Variants in TBCD observed in about 807,000 individuals in gnomAD.
TBCD encodes tubulin folding cofactor D.
TBCD carries 105 observed loss-of-function variants against 169.3 expected under a neutral mutation model. The ratio of observed to expected loss-of-function variants is 0.62; its 90% CI spans 0.53 to 0.73. The LOEUF is 0.73. Among genes scored for constraint, TBCD ranks in the 30% least tolerant of loss-of-function variants. The probability of loss-of-function intolerance (pLI) is 0.00; values close to 1 mark genes in which losing one functional copy is unlikely to be tolerated. For missense variants in TBCD, 1,444 were observed against 1,600.1 expected (o/e 0.90, Z 1.66); for synonymous variants, 700 against 643.9 (o/e 1.09, Z -1.32).
At chr17:82,940,422 G>A (rs1195038819) in intron 37 of TBCD, among the ~76,000 whole-genome samples, 3 of 152,150 alleles carry the variant, frequency 2.0e-5, no homozygotes, top group Admixed American at 6.5e-5. Flanking sequence ...ATCCCGGTGC[G>A]TTGCTACAGG....
chr17:82,857,878 C>A (rs1244686832), intron 13 of TBCD, among the ~76,000 whole-genome samples: 1 of 151,444 alleles, frequency 6.6e-6, no homozygotes, highest in African/African-American at 2.4e-5. Flanking sequence ...TGCTGCACTG[C>A]ACCCACTAAC....
At chr17:82,792,554 T>G (rs963415031) in intron 7 of TBCD, among the ~76,000 whole-genome samples, 1 of 152,136 alleles carries the variant, frequency 6.6e-6, no homozygotes, top group Non-Finnish European at 1.5e-5. Flanking sequence ...GCCACAATCA[T>G]TTTGTGTTTT....
intron 13 of TBCD, among the ~76,000 whole-genome samples, chr17:82,849,900 G>GC (rs1370869822): frequency 2.0e-5 from 3 of 150,914 alleles, no homozygotes; most frequent in Non-Finnish European, 4.5e-5. Flanking sequence ...TGGCTGTGCT[G>GC]TTGTTGGCTG....
chr17:82,808,119 G>A (rs988020780), intron 11 of TBCD, among the ~76,000 whole-genome samples: 3 of 152,184 alleles, frequency 2.0e-5, no homozygotes, highest in Non-Finnish European at 4.4e-5. Flanking sequence ...TGCACCCCAG[G>A]CCTCAGTGGA....
At chr17:82,905,525 G>A (rs1382785928) in intron 19 of TBCD, among the ~76,000 whole-genome samples, 1 of 140,604 alleles carries the variant, frequency 7.1e-6, no homozygotes, top group Non-Finnish European at 1.6e-5. Flanking sequence ...CTGTGTGGGT[G>A]CGTGTGGGCT....
Position 82,781,666 on chromosome 17 carries a change from C to A in TBCD, c.716C>A (p.Ser239Tyr), listed in dbSNP as rs761583961. 1 of 1,613,886 alleles carries A rather than the reference C, an allele frequency of 6.2e-7. No individual in the cohort carries two copies. The highest frequency in any genetic ancestry group is 1.1e-5 in the South Asian group (1 of 91,074). Residue 239 changes from serine (S) to tyrosine (Y), a missense_variant, in exon 7 of 39, where the codon TCC (serine) becomes TAC (tyrosine). Ser to Tyr is a moderately radical substitution (Grantham distance 144). Coordinates refer to ENST00000355528, the MANE Select transcript of TBCD (RefSeq NM_005993.5). ...TGGAGCCTGTGCAATCTGGCCCGTT[C>A]CTCCTTCCAGACCATGCAGGGGGTC... ...LDWSLCNLAR[S>Y]SFQTMQGVIT...
At chr17:82,762,259 T>C (rs1488697900) in intron 2 of TBCD, among the ~76,000 whole-genome samples, 1 of 138,324 alleles carries the variant, frequency 7.2e-6, no homozygotes, top group Non-Finnish European at 1.5e-5. Flanking sequence ...GAGGTTGCAG[T>C]GAGCCGAGAT....
intron 15 of TBCD, among the ~76,000 whole-genome samples, chr17:82,886,957 C>T (rs1400863795): frequency 6.6e-6 from 1 of 151,794 alleles, no homozygotes; most frequent in Admixed American, 6.6e-5. Flanking sequence ...ACGTGAGCCA[C>T]TGTGCCTGGC....
intron 7 of TBCD, among the ~76,000 whole-genome samples, chr17:82,784,632 T>C (rs1306404658): frequency 1.3e-5 from 2 of 152,152 alleles, no homozygotes; most frequent in Non-Finnish European, 2.9e-5. Flanking sequence ...TGAGGAAACA[T>C]GAAGAAGGGG....
At position 82,923,841 on chromosome 17, in the gene TBCD, C is replaced by G; in HGVS notation, c.2260+108C>G. On this transcript the variant is annotated intron_variant, in intron 26 of 38. Transcript: ENST00000355528. The surrounding 1 kb of genome is among the most constrained non-coding windows in gnomAD (Gnocchi z 4.6). ...TCGGTTGTGCAGTGGAGCAGAGCCA[C>G]CACGATCATGGCTGGAGTGGGACTG... The G allele has an allele frequency of 1.1e-6, 1 of 874,108 alleles. No individual in the cohort carries two copies. The highest frequency in any genetic ancestry group is 1.8e-6 in the Non-Finnish European group (1 of 569,064). The allele number at this position is 874,108 out of a possible 1,614,324, so 54.1% of individuals were successfully genotyped here. A position where few individuals can be genotyped will look rare whatever the true frequency, so the allele number is the denominator to read the frequency against.
chr17:82,770,398 G>A (rs780374716), intron 5 of TBCD, among the ~76,000 whole-genome samples: 23 of 152,042 alleles, frequency 1.5e-4, no homozygotes, highest in Non-Finnish European at 2.8e-4. Context: ...TCAGGAATTC[G>A]AGACCAGCCT....
intron 13 of TBCD, among the ~76,000 whole-genome samples, chr17:82,848,713 G>T (rs1481230527): frequency 6.6e-6 from 1 of 152,096 alleles, no homozygotes; most frequent in Non-Finnish European, 1.5e-5. Flanking sequence ...AAAACCTAAC[G>T]ATGAAAATAG....
intron 13 of TBCD, among the ~76,000 whole-genome samples, chr17:82,817,935 A>G (rs1429209841): frequency 6.6e-6 from 1 of 152,132 alleles, no homozygotes; most frequent in Non-Finnish European, 1.5e-5. Flanking sequence ...TATTTGTGAC[A>G]CTAGATGTGT....
chr17:82,870,961 G>A (rs183935852), intron 14 of TBCD, among the ~76,000 whole-genome samples: 44 of 152,370 alleles, frequency 2.9e-4, no homozygotes, highest in African/African-American at 1.0e-3. Flanking sequence ...AATAGCCTTC[G>A]CTGGCATGCC....
intron 2 of TBCD, 136 bp downstream of exon 2, chr17:82,756,351 G>C: frequency 3.2e-6 from 3 of 934,048 alleles, no homozygotes; most frequent in East Asian, 2.6e-5. Flanking sequence ...TGCCTGGCTG[G>C]TTGGTTTTAG....
intron 35 of TBCD, 160 bp from the exon 36 acceptor site, chr17:82,937,889 A>C (rs1395504037): frequency 1.3e-6 from 2 of 1,527,136 alleles, no homozygotes; most frequent in Non-Finnish European, 1.8e-6. Context: ...CACAGTGCAG[A>C]TGTACGCACA....
intron 14 of TBCD, among the ~76,000 whole-genome samples, chr17:82,883,409 T>C (rs1247465039): frequency 6.6e-6 from 1 of 152,234 alleles, no homozygotes; most frequent in East Asian, 1.9e-4. Context: ...ATGAGAGCGT[T>C]CTGGGTTATT....
In TBCD at chr17:82,940,221, G is replaced by GCGCACACA. The variant is rs1356825330; in HGVS notation, c.3479+746_3479+747insGCACACAC. 5.0e-3 allele frequency among the ~76,000 whole-genome samples: 664 copies of GCGCACACA among 131,800 alleles called. 5 individuals carry two copies. The highest frequency in any genetic ancestry group is 0.014 in the African/African-American group (554 of 39,330). 86.5% of individuals were successfully genotyped at this position (131,800 alleles called of 152,430 possible). A position where few individuals can be genotyped will look rare whatever the true frequency, so the allele number is the denominator to read the frequency against. On this transcript the variant is annotated intron_variant, in intron 37 of 38. Coordinates refer to ENST00000355528, the MANE Select transcript of TBCD (RefSeq NM_005993.5). Reference sequence around the variant, plus strand: ...CACACACATGCTCACTTGCACGCGCGCACACACACACACACACACACACAC... The same window carrying GCGCACACA: ...CACACACATGCTCACTTGCACGCGCGCGCACACACACACACACACACACACACACACAC...
intron 14 of TBCD, among the ~76,000 whole-genome samples, chr17:82,883,169 C>T (rs2058487909): frequency 6.6e-6 from 1 of 152,274 alleles, no homozygotes; most frequent in African/African-American, 2.4e-5. Context: ...CGGCTCAGGT[C>T]TGTCAACTTC....
Sources: allele counts gnomAD v4.1 joint callset (sites outside exome capture counted in the v4.1 genomes callset), GRCh38; gene constraint gnomAD v4.1.1; non-coding constraint Gnocchi (gnomAD v3.1); transcripts MANE v1.5; gene names NCBI Gene and HGNC (gene_info 2026-07-23, HGNC 2026-07-21).